CEP112: variants seen among roughly 807,000 people sequenced by gnomAD.
CEP112 encodes the protein centrosomal protein 112.
CEP112 carries 127 observed loss-of-function variants against 153.0 expected under a neutral mutation model. That is an observed-to-expected ratio of 0.83 (90% CI 0.72 to 0.96). CEP112 has a LOEUF of 0.96. Among genes scored for constraint, CEP112 ranks in the 40% least tolerant of loss-of-function variants. The pLI, the probability that CEP112 is intolerant of heterozygous loss-of-function variation, is 0.00. For missense variants in CEP112, 1,089 were observed against 1,101.2 expected (o/e 0.99, Z 0.16); for synonymous variants, 358 against 374.4 (o/e 0.96, Z 0.51).
At chr17:65,765,157 A>G (rs1334351744) in intron 21 of CEP112, among the ~76,000 whole-genome samples, 1 of 134,718 alleles carries the variant, frequency 7.4e-6, no homozygotes, top group Non-Finnish European at 1.5e-5. Flanking sequence ...GTTCTTCGTT[A>G]TGATACCTAT....
intron 23 of CEP112, among the ~76,000 whole-genome samples, chr17:65,723,575 C>A (rs1282140598): frequency 6.6e-6 from 1 of 152,058 alleles, no homozygotes; most frequent in East Asian, 1.9e-4. Flanking sequence ...AATGAATCTG[C>A]TACTAGAAAC....
chr17:66,103,219 CA>C (rs546530645), intron 6 of CEP112, among the ~76,000 whole-genome samples: 66 of 123,282 alleles, frequency 5.4e-4, no homozygotes, highest in Admixed American at 6.7e-4. Flanking sequence ...AATTCCATCT[CA>C]AAAAAAAAAA....
intron 17 of CEP112, among the ~76,000 whole-genome samples, chr17:65,992,108 T>C (rs1488054287): frequency 6.6e-6 from 1 of 152,074 alleles, no homozygotes; most frequent in Non-Finnish European, 1.5e-5. Context: ...TTTAAGTCTT[T>C]TATTAAGATT....
chr17:65,754,434 C>G (rs2052096490), intron 21 of CEP112, among the ~76,000 whole-genome samples: 1 of 152,092 alleles, frequency 6.6e-6, no homozygotes, highest in Non-Finnish European at 1.5e-5. Context: ...AATGGTGAAA[C>G]CCTGTCCCTA....
intron 21 of CEP112, among the ~76,000 whole-genome samples, chr17:65,751,952 T>A (rs867382704): frequency 1.4e-5 from 2 of 145,810 alleles, no homozygotes; most frequent in African/African-American, 5.1e-5. Context: ...AATACAGTCC[T>A]TCTATCTATC....
chr17:66,138,075 G>C (rs72837153), intron 4 of CEP112, among the ~76,000 whole-genome samples: 3,338 of 152,242 alleles, frequency 0.022, 47 homozygotes, highest in Non-Finnish European at 0.032. Context: ...TGAGATCAAT[G>C]AGACAATGAG....
chr17:65,792,205 T>C (rs532033120), intron 21 of CEP112, among the ~76,000 whole-genome samples: 1 of 152,320 alleles, frequency 6.6e-6, no homozygotes, highest in East Asian at 1.9e-4. Flanking sequence ...TATAATGTGA[T>C]TTACTATATC....
intron 18 of CEP112, among the ~76,000 whole-genome samples, chr17:65,936,908 C>G (rs996572732): frequency 1.3e-5 from 2 of 150,846 alleles, no homozygotes; most frequent in African/African-American, 4.9e-5. Context: ...CTCACTGCAA[C>G]CTCCCTGCCT....
At chr17:65,880,797 G>C (rs1375066399) in intron 20 of CEP112, among the ~76,000 whole-genome samples, 2 of 152,176 alleles carry the variant, frequency 1.3e-5, no homozygotes, top group Non-Finnish European at 2.9e-5. Flanking sequence ...ACGTCTGAAT[G>C]TTTTTTATTC....
chr17:65,990,609 C>T (rs1032583730), intron 17 of CEP112, among the ~76,000 whole-genome samples: 2 of 152,224 alleles, frequency 1.3e-5, no homozygotes, highest in African/African-American at 2.4e-5. Context: ...AGAGGTGAAC[C>T]GCTCATCCCA....
chr17:65,975,676 T>C (rs1249206596), intron 17 of CEP112, among the ~76,000 whole-genome samples: 1 of 152,194 alleles, frequency 6.6e-6, no homozygotes, highest in African/African-American at 2.4e-5. Context: ...TGATACAACT[T>C]AGCATTTCTT....
intron 21 of CEP112, among the ~76,000 whole-genome samples, chr17:65,840,237 G>A (rs2057467015): frequency 6.6e-6 from 1 of 152,046 alleles, no homozygotes; most frequent in East Asian, 1.9e-4. Context: ...AAAGCTAGAG[G>A]AATTGCACCA....
chr17:65,731,067 T>A (rs955061413), intron 23 of CEP112, among the ~76,000 whole-genome samples: 2 of 152,106 alleles, frequency 1.3e-5, no homozygotes, highest in Non-Finnish European at 2.9e-5. Context: ...TTTAAAGAAC[T>A]ATTTCTAACG....
intron 20 of CEP112, among the ~76,000 whole-genome samples, chr17:65,857,569 G>A (rs2058167788): frequency 1.3e-5 from 2 of 152,140 alleles, no homozygotes; most frequent in African/African-American, 4.8e-5. Flanking sequence ...CATTAATGGA[G>A]TAAATTATAT....
chr17:66,141,330 T>C (rs1476416409), intron 4 of CEP112, among the ~76,000 whole-genome samples: 2 of 151,896 alleles, frequency 1.3e-5, no homozygotes, highest in Non-Finnish European at 2.9e-5. Context: ...TTTTCACATA[T>C]GAAATGTCTA....
At chr17:65,856,416 CT>C (rs1274156171) in intron 20 of CEP112, among the ~76,000 whole-genome samples, 1 of 152,126 alleles carries the variant, frequency 6.6e-6, no homozygotes, top group East Asian at 1.9e-4. Flanking sequence ...TGAAAGTCTG[CT>C]TTTTATCACA....
intron 6 of CEP112, among the ~76,000 whole-genome samples, chr17:66,121,520 G>A (rs940657089): frequency 6.6e-6 from 1 of 152,112 alleles, no homozygotes; most frequent in Non-Finnish European, 1.5e-5. Flanking sequence ...ACATTTCCGT[G>A]AGGCAATGTT....
At position 65,982,938 on chromosome 17, in the gene CEP112, A is replaced by G. The variant is rs532853254; in HGVS notation, c.1737-21340T>C. 8.5e-5 allele frequency among the ~76,000 whole-genome samples: 13 copies of G among 152,328 alleles called. No individual in the cohort carries two copies. The East Asian group carries it at 2.3e-3, about 27-fold the overall frequency. On this transcript the variant is annotated intron_variant, in intron 17 of 26. Coordinates refer to ENST00000535342, the MANE Select transcript of CEP112 (RefSeq NM_001199165.4). ...TGTAGATGAACCTAGAAAACATTAC[A>G]CTAAGTGAAAGTAGCTCCGGACACA...
At chr17:65,773,584 G>T (rs989827629) in intron 21 of CEP112, among the ~76,000 whole-genome samples, 1 of 152,048 alleles carries the variant, frequency 6.6e-6, no homozygotes, top group African/African-American at 2.4e-5. Context: ...GTAAATAAAT[G>T]CTCATTGTAG....
Sources: gnomAD v4.1 joint callset for allele counts (sites outside exome capture counted in the v4.1 genomes callset) on GRCh38, gnomAD v4.1.1 for gene constraint, MANE v1.5 for transcripts, NCBI Gene and HGNC (gene_info 2026-07-23, HGNC 2026-07-21) for gene names.